Variants in NRG3 observed in about 807,000 individuals in gnomAD.
NRG3 encodes neuregulin 3.
NRG3 carries 31 observed loss-of-function variants against 66.9 expected under a neutral mutation model. The ratio of observed to expected loss-of-function variants is 0.46; its 90% CI spans 0.35 to 0.63. The LOEUF is 0.63. Among genes scored for constraint, NRG3 ranks in the 20% least tolerant of loss-of-function variants. NRG3 has a pLI of 0.00. For synonymous variants in NRG3, 393 were observed against 359.4 expected, an observed-to-expected ratio of 1.09 and a Z score of -1.06; for missense variants, 910 against 878.9, an observed-to-expected ratio of 1.04 and a Z score of -0.45.
intron 2 of NRG3, among the ~76,000 whole-genome samples, chr10:82,417,329 A>G (rs2088655439): frequency 6.6e-6 from 1 of 152,172 alleles, no homozygotes; most frequent in East Asian, 1.9e-4. Context: ...AGTAGTGGCA[A>G]TGGAAGAAGA....
At chr10:81,959,341 G>T (rs1416647684) in intron 1 of NRG3, among the ~76,000 whole-genome samples, 1 of 152,110 alleles carries the variant, frequency 6.6e-6, no homozygotes, top group South Asian at 2.1e-4. Flanking sequence ...CTCATGGTTT[G>T]AACCAATTTG....
At chr10:81,904,111 G>T (rs1402409795) in intron 1 of NRG3, among the ~76,000 whole-genome samples, 1 of 151,880 alleles carries the variant, frequency 6.6e-6, no homozygotes, top group African/African-American at 2.4e-5. Flanking sequence ...CTGGGTTCAA[G>T]CAATTCTGCT....
intron 4 of NRG3, among the ~76,000 whole-genome samples, chr10:82,883,508 G>A (rs528274312): frequency 2.0e-5 from 3 of 152,250 alleles, no homozygotes; most frequent in Non-Finnish European, 4.4e-5. Flanking sequence ...TTGTCTGTAA[G>A]ACAGGGCTAA....
At chr10:82,440,068 A>G (rs1392181154) in intron 2 of NRG3, among the ~76,000 whole-genome samples, 2 of 152,084 alleles carry the variant, frequency 1.3e-5, no homozygotes, top group African/African-American at 2.4e-5. Context: ...CTGGAAAGCC[A>G]TGTGGGCATT....
intron 1 of NRG3, among the ~76,000 whole-genome samples, chr10:82,139,455 T>A (rs1225863953): frequency 6.6e-6 from 1 of 152,200 alleles, no homozygotes; most frequent in Non-Finnish European, 1.5e-5. Context: ...TAACTGGTGG[T>A]ATTAGAATGC....
At chr10:81,909,315 A>C (rs73319148) in intron 1 of NRG3, among the ~76,000 whole-genome samples, 2,869 of 152,258 alleles carry the variant, frequency 0.019, 78 homozygotes, top group African/African-American at 0.063. Context: ...TTGCATCTGC[A>C]AAGGCCCCAT....
intron 2 of NRG3, among the ~76,000 whole-genome samples, chr10:82,652,748 C>T (rs1429655557): frequency 1.3e-5 from 2 of 152,154 alleles, no homozygotes; most frequent in Non-Finnish European, 2.9e-5. Context: ...GGGACCCACC[C>T]CTGTCTGCCT....
chr10:82,773,552 G>C (rs1022328063), intron 3 of NRG3, among the ~76,000 whole-genome samples: 7 of 151,966 alleles, frequency 4.6e-5, no homozygotes, highest in African/African-American at 1.7e-4. Flanking sequence ...TCATTTTGTT[G>C]ATTGTTTCAT....
At chr10:82,935,587 C>CA (rs756944713) in intron 4 of NRG3, among the ~76,000 whole-genome samples, 1 of 151,950 alleles carries the variant, frequency 6.6e-6, no homozygotes, top group Non-Finnish European at 1.5e-5. Context: ...TTTATAATAG[C>CA]AAAAAATGAT....
intron 2 of NRG3, among the ~76,000 whole-genome samples, chr10:82,614,557 G>A (rs2048518027): frequency 6.6e-6 from 1 of 152,102 alleles, no homozygotes; most frequent in Non-Finnish European, 1.5e-5. Flanking sequence ...AATATGTGCA[G>A]TTTAATGCTT....
At chr10:82,432,209 T>A (rs1022228206) in intron 2 of NRG3, among the ~76,000 whole-genome samples, 4 of 152,186 alleles carry the variant, frequency 2.6e-5, no homozygotes, top group African/African-American at 9.6e-5. Context: ...TATCTGTTCC[T>A]AAAATAAGTT....
intron 1 of NRG3, among the ~76,000 whole-genome samples, chr10:82,131,545 T>G (rs2068819507): frequency 6.6e-6 from 1 of 152,136 alleles, no homozygotes; most frequent in African/African-American, 2.4e-5. Context: ...CCCTATCAAA[T>G]TTAGGATTAT....
chr10:82,655,834 T>C (rs933636842), intron 2 of NRG3, among the ~76,000 whole-genome samples: 2 of 152,182 alleles, frequency 1.3e-5, no homozygotes, highest in African/African-American at 4.8e-5. Flanking sequence ...TTGGAATTAA[T>C]TATATCAAAG....
intron 1 of NRG3, among the ~76,000 whole-genome samples, chr10:81,909,192 T>G (rs1844881668): frequency 6.6e-6 from 1 of 152,202 alleles, no homozygotes. Flanking sequence ...CTTCTTCACA[T>G]AGTCTTCTCA....
intron 4 of NRG3, among the ~76,000 whole-genome samples, chr10:82,907,926 A>T (rs967724376): frequency 6.6e-6 from 1 of 152,200 alleles, no homozygotes; most frequent in Non-Finnish European, 1.5e-5. Context: ...GAAAGCTTAG[A>T]ACCTTAGCCT....
At chr10:82,238,557 G>A (rs2076859144) in intron 1 of NRG3, among the ~76,000 whole-genome samples, 1 of 151,930 alleles carries the variant, frequency 6.6e-6, no homozygotes, top group Non-Finnish European at 1.5e-5. Flanking sequence ...CTGACTTTTT[G>A]CATCATCCAG....
At chr10:82,472,361 C>A (rs1002003929) in intron 2 of NRG3, among the ~76,000 whole-genome samples, 2 of 152,158 alleles carry the variant, frequency 1.3e-5, no homozygotes, top group African/African-American at 2.4e-5. Context: ...GCACTTTCTG[C>A]AAAAACAGCT....
chr10:82,924,511 ATC>A (rs1846784330), intron 4 of NRG3, among the ~76,000 whole-genome samples: 1 of 151,364 alleles, frequency 6.6e-6, no homozygotes, highest in African/African-American at 2.4e-5. Flanking sequence ...CAATGATATT[ATC>A]TGTTTGGTTT....
chr10:82,173,265 ATTAAG>A (rs1476573540), intron 1 of NRG3, among the ~76,000 whole-genome samples: 3 of 150,134 alleles, frequency 2.0e-5, no homozygotes, highest in African/African-American at 7.3e-5. Flanking sequence ...AGCCAGATAC[ATTAAG>A]TTTTTTTTTT....
Sources: allele counts gnomAD v4.1 joint callset (sites outside exome capture counted in the v4.1 genomes callset), GRCh38; gene constraint gnomAD v4.1.1; transcripts MANE v1.5; gene names NCBI Gene and HGNC (gene_info 2026-07-23, HGNC 2026-07-21).